Variants in LPAR1 observed in about 807,000 individuals in gnomAD.
LPAR1 encodes LPA receptor 1.
In LPAR1, 5 loss-of-function variants were observed where a neutral mutation model predicts 23.8. The ratio of observed to expected loss-of-function variants is 0.21; its 90% CI spans 0.11 to 0.44. The LOEUF is 0.44. LPAR1 is among the 20% of genes least tolerant of loss of function. The pLI is 0.99. For missense variants in LPAR1, 311 were observed against 482.8 expected (o/e 0.64, Z 3.33); for synonymous variants, 160 against 164.7 (o/e 0.97, Z 0.22).
chr9:111,022,681 T>A (rs940781068), intron 2 of LPAR1, among the ~76,000 whole-genome samples: 3 of 152,174 alleles, frequency 2.0e-5, no homozygotes, highest in Admixed American at 2.0e-4. Flanking sequence ...AAGTATTTTT[T>A]AATCCAACCA....
intron 2 of LPAR1, among the ~76,000 whole-genome samples, chr9:111,013,480 A>C (rs941341109): frequency 6.6e-6 from 1 of 152,202 alleles, no homozygotes; most frequent in African/African-American, 2.4e-5. Flanking sequence ...TGTGGTAGAG[A>C]CAAATCAGTG....
intron 2 of LPAR1, among the ~76,000 whole-genome samples, chr9:111,003,653 A>G (rs1217159780): frequency 6.6e-6 from 1 of 152,124 alleles, no homozygotes; most frequent in Non-Finnish European, 1.5e-5. Context: ...GGTGGCTGCA[A>G]TCACAGAAAG....
intron 4 of LPAR1, among the ~76,000 whole-genome samples, chr9:110,962,066 T>A (rs10817124): frequency 2.0e-5 from 3 of 152,226 alleles, no homozygotes; most frequent in Admixed American, 1.3e-4. Context: ...TCCACTGCCA[T>A]AGCATTGAAT....
chr9:110,993,806 T>C (rs768824912), intron 2 of LPAR1, among the ~76,000 whole-genome samples: 1 of 152,158 alleles, frequency 6.6e-6, no homozygotes. Flanking sequence ...CATGATGCCT[T>C]GGTTACCTTG....
At chr9:111,026,016 T>G (rs2097684753) in intron 2 of LPAR1, among the ~76,000 whole-genome samples, 1 of 152,160 alleles carries the variant, frequency 6.6e-6, no homozygotes. Context: ...TACGGGCTCT[T>G]TTTTAGTTCC....
At chr9:110,889,132 C>T (rs1329917956) in intron 5 of LPAR1, among the ~76,000 whole-genome samples, 3 of 152,076 alleles carry the variant, frequency 2.0e-5, no homozygotes, top group Admixed American at 6.5e-5. Flanking sequence ...GAGGCCGAGG[C>T]GGGCAGATCA....
At chr9:110,972,445 C>T (rs1486973155) in intron 3 of LPAR1, among the ~76,000 whole-genome samples, 1 of 152,158 alleles carries the variant, frequency 6.6e-6, no homozygotes, top group East Asian at 1.9e-4. Flanking sequence ...TTGAATCCAA[C>T]ATCCCAGCTA....
intron 4 of LPAR1, among the ~76,000 whole-genome samples, chr9:110,959,170 C>CAAAAAAAAAAAAAAAAAAAAAAAAAAA (rs1186318362): frequency 2.5e-5 from 2 of 81,178 alleles, no homozygotes; most frequent in African/African-American, 1.0e-4. Flanking sequence ...GATGTCTCTA[C>CAAAAAAAAAAAAAAAAAAAAAAAAAAA]AAAAAAAAAA....
chr9:111,029,674 T>C (rs192558315), intron 2 of LPAR1, among the ~76,000 whole-genome samples: 2 of 152,212 alleles, frequency 1.3e-5, no homozygotes, highest in Non-Finnish European at 2.9e-5. Context: ...ACCTACCTGA[T>C]CTTAATCATT....
At chr9:111,037,047 C>A (rs12236414) in intron 1 of LPAR1, among the ~76,000 whole-genome samples, 13,156 of 152,188 alleles carry the variant, frequency 0.086, 715 homozygotes, top group East Asian at 0.17. Context: ...AAAAACTTCG[C>A]ATTTTCCAAG....
chr9:110,943,114 AATT>A (rs1386002849), intron 4 of LPAR1, among the ~76,000 whole-genome samples: 2 of 147,840 alleles, frequency 1.4e-5, no homozygotes, highest in Admixed American at 6.8e-5. Flanking sequence ...AATTATATAT[AATT>A]ATAATATGTA....
At chr9:110,889,125 G>A (rs1359638671) in intron 5 of LPAR1, among the ~76,000 whole-genome samples, 1 of 152,182 alleles carries the variant, frequency 6.6e-6, no homozygotes, top group Non-Finnish European at 1.5e-5. Flanking sequence ...ACTTTGGGAG[G>A]CCGAGGCGGG....
intron 4 of LPAR1, among the ~76,000 whole-genome samples, chr9:110,942,503 A>G (rs774707115): frequency 6.6e-6 from 1 of 152,208 alleles, no homozygotes; most frequent in Non-Finnish European, 1.5e-5. Flanking sequence ...GAACATTGCA[A>G]TTGGAATATT....
intron 5 of LPAR1, among the ~76,000 whole-genome samples, chr9:110,922,149 C>T (rs1175222322): frequency 6.6e-6 from 1 of 152,076 alleles, no homozygotes; most frequent in African/African-American, 2.4e-5. Flanking sequence ...AGCCAGAAAC[C>T]AGAAATACTG....
chr9:110,883,662 TC>T (rs1420388969), intron 5 of LPAR1, among the ~76,000 whole-genome samples: 1 of 151,486 alleles, frequency 6.6e-6, no homozygotes, highest in Non-Finnish European at 1.5e-5. Flanking sequence ...ATTTTTGTTT[TC>T]CCTTGAACTT....
intron 5 of LPAR1, among the ~76,000 whole-genome samples, chr9:110,919,892 GCA>G (rs2093495954): frequency 6.6e-6 from 1 of 152,138 alleles, no homozygotes; most frequent in South Asian, 2.1e-4. Context: ...TAGTGACTCA[GCA>G]CACACACATC....
intron 2 of LPAR1, among the ~76,000 whole-genome samples, chr9:111,001,376 G>T (rs2140172595): frequency 6.6e-6 from 1 of 152,234 alleles, no homozygotes; most frequent in African/African-American, 2.4e-5. Flanking sequence ...CAATGAGTAA[G>T]ACATATTAAA....
chr9:110,975,696 G>A (rs148940587), intron 2 of LPAR1, among the ~76,000 whole-genome samples: 2 of 152,290 alleles, frequency 1.3e-5, no homozygotes, highest in African/African-American at 2.4e-5. Flanking sequence ...AGAGAACCTT[G>A]TGCTCTTCTC....
chr9:110,967,843 A>G (rs1015257377), intron 4 of LPAR1, among the ~76,000 whole-genome samples: 2 of 152,202 alleles, frequency 1.3e-5, no homozygotes, highest in African/African-American at 2.4e-5. Context: ...TAGGAGGCCC[A>G]TCATTGGCCA....
Sources: allele counts gnomAD v4.1 joint callset (sites outside exome capture counted in the v4.1 genomes callset), GRCh38; gene constraint gnomAD v4.1.1; transcripts MANE v1.5; gene names NCBI Gene and HGNC (gene_info 2026-07-23, HGNC 2026-07-21).